Variants in GRM5 observed in about 807,000 individuals in gnomAD.
The protein encoded by GRM5 is metabotropic glutamate receptor 5.
GRM5 carries 19 observed loss-of-function variants against 83.1 expected under a neutral mutation model. That is an observed-to-expected ratio of 0.23 (90% CI 0.16 to 0.34). The LOEUF is 0.34. Among genes scored for constraint, GRM5 ranks in the 10% least tolerant of loss-of-function variants. The pLI is 1.00. For synonymous variants in GRM5, 675 were observed against 633.6 expected (o/e 1.07, Z -0.98); for missense variants, 1,160 against 1,588.3 (o/e 0.73, Z 4.58).
chr11:88,797,633 TTACAATGC>T (rs1468984333), intron 3 of GRM5, among the ~76,000 whole-genome samples: 5 of 152,186 alleles, frequency 3.3e-5, no homozygotes, highest in Middle Eastern at 3.2e-3. Context: ...ATCACTAATT[TTACAATGC>T]TAATAATCTC....
intron 4 of GRM5, among the ~76,000 whole-genome samples, chr11:88,607,033 C>A (rs930628458): frequency 8.7e-5 from 13 of 149,936 alleles, no homozygotes; most frequent in African/African-American, 3.2e-4. Context: ...AGAGGCTTAT[C>A]ATCTCCATCT....
intron 3 of GRM5, among the ~76,000 whole-genome samples, chr11:88,754,808 C>A (rs1198511971): frequency 6.6e-6 from 1 of 152,094 alleles, no homozygotes; most frequent in East Asian, 1.9e-4. Flanking sequence ...CTATAACTTG[C>A]CAAAGTCTGA....
intron 3 of GRM5, among the ~76,000 whole-genome samples, chr11:88,673,032 A>AT (rs1368669556): frequency 6.6e-6 from 1 of 151,962 alleles, no homozygotes; most frequent in Non-Finnish European, 1.5e-5. Context: ...ATGAATCCAC[A>AT]TTTTTTTATG....
intron 2 of GRM5, among the ~76,000 whole-genome samples, chr11:89,015,894 T>A (rs1395574445): frequency 6.6e-6 from 1 of 152,276 alleles, no homozygotes; most frequent in East Asian, 1.9e-4. Context: ...GGCATGTCAT[T>A]TAACCTCATC....
intron 2 of GRM5, among the ~76,000 whole-genome samples, chr11:88,990,886 A>G (rs987173571): frequency 6.6e-6 from 1 of 152,116 alleles, no homozygotes; most frequent in Admixed American, 6.5e-5. Flanking sequence ...GCTATCTATG[A>G]CAAACCCACA....
At chr11:88,518,538 A>G (rs1243043938) in intron 9 of GRM5, among the ~76,000 whole-genome samples, 2 of 152,058 alleles carry the variant, frequency 1.3e-5, no homozygotes. Context: ...AGGGTCAAAT[A>G]AGTTAAACAA....
chr11:88,522,609 G>C lies in GRM5; in HGVS notation c.2726+2700C>G, dbSNP rs1490746745. ...TCTCGCTCTCTCTCTCTCTCTGTGTGTGTGTGTGTGTGTGTGTGTGTGTGT... is the reference window on the plus strand; with the variant it reads ...TCTCGCTCTCTCTCTCTCTCTGTGTCTGTGTGTGTGTGTGTGTGTGTGTGT... On this transcript the variant is annotated intron_variant, in intron 9 of 9. Coordinates refer to ENST00000305447, the MANE Select transcript of GRM5 (RefSeq NM_001143831.3). 4.9e-3 allele frequency among the ~76,000 whole-genome samples: 544 copies of C among 110,566 alleles called. 3 individuals are homozygous for C. The highest frequency in any genetic ancestry group is 0.016 in the African/African-American group (337 of 21,094). The allele number at this position is 110,566 out of a possible 152,430, so 72.5% of individuals were successfully genotyped here.
intron 2 of GRM5, among the ~76,000 whole-genome samples, chr11:89,041,272 C>G (rs756215841): frequency 3.9e-4 from 60 of 152,302 alleles, no homozygotes; most frequent in Non-Finnish European, 6.8e-4. Flanking sequence ...AGAGATATTT[C>G]TGCATTATGG....
chr11:89,065,509 G>T (rs1414248284), intron 1 of GRM5, among the ~76,000 whole-genome samples: 1 of 152,020 alleles, frequency 6.6e-6, no homozygotes, highest in Non-Finnish European at 1.5e-5. Context: ...CGATACCGCG[G>T]TAGCCCAGGC....
intron 2 of GRM5, among the ~76,000 whole-genome samples, chr11:88,940,878 C>T (rs1938066610): frequency 6.6e-6 from 1 of 151,840 alleles, no homozygotes; most frequent in Non-Finnish European, 1.5e-5. Context: ...AGATGAGAAA[C>T]AAAACCTTGT....
At chr11:88,657,486 A>G (rs1173984381) in intron 3 of GRM5, among the ~76,000 whole-genome samples, 1 of 152,188 alleles carries the variant, frequency 6.6e-6, no homozygotes, top group Non-Finnish European at 1.5e-5. Flanking sequence ...ACTAGCAGAT[A>G]CTTAGATCCT....
At chr11:88,843,118 G>A (rs958671481) in intron 3 of GRM5, among the ~76,000 whole-genome samples, 6 of 152,080 alleles carry the variant, frequency 3.9e-5, no homozygotes, top group Non-Finnish European at 5.9e-5. Flanking sequence ...CAAATTGAAG[G>A]TTTGTGGCAA....
intron 4 of GRM5, among the ~76,000 whole-genome samples, chr11:88,621,511 A>G (rs1938633530): frequency 1.3e-5 from 2 of 152,192 alleles, no homozygotes; most frequent in East Asian, 1.9e-4. Flanking sequence ...GATAATACAT[A>G]TGGAAGTTAT....
At chr11:88,960,342 A>G (rs1470656553) in intron 2 of GRM5, among the ~76,000 whole-genome samples, 1 of 152,196 alleles carries the variant, frequency 6.6e-6, no homozygotes, top group Non-Finnish European at 1.5e-5. Context: ...AGTACTTTAT[A>G]TAAGCTTGTG....
chr11:89,055,807 A>G (rs1399494002), intron 1 of GRM5, among the ~76,000 whole-genome samples: 1 of 152,158 alleles, frequency 6.6e-6, no homozygotes, highest in Non-Finnish European at 1.5e-5. Context: ...CAATTAAAAT[A>G]TACAGAGGGC....
At chr11:88,744,422 G>C (rs922783127) in intron 3 of GRM5, among the ~76,000 whole-genome samples, 1 of 152,138 alleles carries the variant, frequency 6.6e-6, no homozygotes, top group South Asian at 2.1e-4. Flanking sequence ...GGGGACTTCA[G>C]AAATCTTAAA....
At chr11:88,733,880 A>G (rs1941857055) in intron 3 of GRM5, among the ~76,000 whole-genome samples, 1 of 151,946 alleles carries the variant, frequency 6.6e-6, no homozygotes, top group South Asian at 2.1e-4. Context: ...AAAAATAGGG[A>G]AAAAGAGGGT....
intron 2 of GRM5, among the ~76,000 whole-genome samples, chr11:88,907,252 A>C (rs1029154558): frequency 3.9e-5 from 6 of 152,122 alleles, no homozygotes; most frequent in African/African-American, 1.4e-4. Context: ...AGTAGCGATC[A>C]TCACTGAGTT....
intron 2 of GRM5, among the ~76,000 whole-genome samples, chr11:88,921,351 C>T (rs1945689604): frequency 6.6e-6 from 1 of 152,154 alleles, no homozygotes; most frequent in Non-Finnish European, 1.5e-5. Flanking sequence ...AGGCCAGGCG[C>T]AGTGGCTCAT....
Sources: allele counts gnomAD v4.1 joint callset (sites outside exome capture counted in the v4.1 genomes callset), GRCh38; gene constraint gnomAD v4.1.1; transcripts MANE v1.5; gene names NCBI Gene and HGNC (gene_info 2026-07-23, HGNC 2026-07-21).